Variants in RNF4 observed in about 807,000 individuals in gnomAD.
The protein encoded by RNF4 is ring finger protein 4, also known as E3 ubiquitin-protein ligase RNF4.
RNF4 carries 7 observed loss-of-function variants against 24.3 expected under a neutral mutation model. The observed-to-expected ratio is 0.29, with a 90% confidence interval of 0.16 to 0.54. RNF4 has a LOEUF of 0.54. RNF4 is among the 20% of genes least tolerant of loss of function. The pLI is 0.95. For synonymous variants in RNF4, 83 were observed against 84.3 expected, an observed-to-expected ratio of 0.98 and a Z score of 0.09; for missense variants, 209 against 248.5, an observed-to-expected ratio of 0.84 and a Z score of 1.07.
intron 3 of RNF4, among the ~76,000 whole-genome samples, chr4:2,500,402 C>G (rs1236942896): frequency 6.6e-6 from 1 of 152,156 alleles, no homozygotes; most frequent in Non-Finnish European, 1.5e-5. Context: ...GAGGTATGCA[C>G]ATGCGCACAC....
At chr4:2,478,911 C>T (rs948547109) in intron 1 of RNF4, among the ~76,000 whole-genome samples, 1 of 152,228 alleles carries the variant, frequency 6.6e-6, no homozygotes, top group African/African-American at 2.4e-5. Context: ...ACAGCTTGCC[C>T]TGTACACCTG....
chr4:2,513,599 G>T, intron 7 of RNF4, 71 bp from the exon 8 acceptor site: 1 of 1,581,042 alleles, frequency 6.3e-7, no homozygotes, highest in Non-Finnish European at 8.6e-7. Context: ...TAGGTGGGTG[G>T]GATTCTCTGG....
intron 4 of RNF4, among the ~76,000 whole-genome samples, chr4:2,501,159 T>G (rs978913993): frequency 6.6e-6 from 1 of 152,208 alleles, no homozygotes; most frequent in African/African-American, 2.4e-5. Flanking sequence ...TTCCATGAAA[T>G]GGGGACAGGT....
intron 3 of RNF4, among the ~76,000 whole-genome samples, chr4:2,499,672 CTGTT>C (rs1322805293): frequency 1.3e-5 from 2 of 152,124 alleles, no homozygotes; most frequent in African/African-American, 4.8e-5. Context: ...TGTACGTTAA[CTGTT>C]TGGTCCATGT....
chr4:2,484,071 C>CCCCG (rs71167793), intron 1 of RNF4, among the ~76,000 whole-genome samples: 9,466 of 50,324 alleles, frequency 0.19, 3,900 homozygotes, highest in South Asian at 0.35. Context: ...AGGTGATCCC[C>CCCCG]CCCCGCCTCG....
chr4:2,499,184 G>C (rs192534307), intron 3 of RNF4, among the ~76,000 whole-genome samples: 1 of 152,000 alleles, frequency 6.6e-6, no homozygotes, highest in East Asian at 1.9e-4. Context: ...ACGACAGAGC[G>C]AGACTCTGTC....
At chr4:2,496,235 G>A (rs1735732223) in intron 2 of RNF4, among the ~76,000 whole-genome samples, 1 of 152,164 alleles carries the variant, frequency 6.6e-6, no homozygotes, top group African/African-American at 2.4e-5. Context: ...TTTCCCAGGG[G>A]AAGATAAGCT....
At chr4:2,485,689 T>C (rs1161876307) in intron 1 of RNF4, among the ~76,000 whole-genome samples, 1 of 152,062 alleles carries the variant, frequency 6.6e-6, no homozygotes, top group African/African-American at 2.4e-5. Context: ...CTACCCCAGC[T>C]CCTCTTTTCT....
At chr4:2,473,488 T>C (rs957368310) in intron 1 of RNF4, among the ~76,000 whole-genome samples, 3 of 151,640 alleles carry the variant, frequency 2.0e-5, no homozygotes. Context: ...TAACTGTAGA[T>C]GTGGTGGAAA....
chr4:2,512,057 C>G lies in RNF4; in HGVS notation c.214+92C>G. 1 of 1,281,270 alleles carries G rather than the reference C, an allele frequency of 7.8e-7. No individual in the cohort carries two copies. Among genetic ancestry groups the G allele is most frequent in the Middle Eastern group, 2.6e-4 (1 of 3,820 alleles). 79.4% of individuals were successfully genotyped at this position (1,281,270 alleles called of 1,614,324 possible). On this transcript the variant is annotated intron_variant, in intron 5 of 7. Transcript: ENST00000314289. The surrounding 1 kb of genome is among the most constrained non-coding windows in gnomAD (Gnocchi z 4.1). ...GCTGCAGGTCTTGCCAGACCATCCC[C>G]AAGGGCTTGGAGCGCTCCAAGCAGG...
chr4:2,488,130 T>C (rs1735468115), intron 1 of RNF4, among the ~76,000 whole-genome samples: 1 of 152,188 alleles, frequency 6.6e-6, no homozygotes, highest in South Asian at 2.1e-4. Flanking sequence ...GCAGGGGCTG[T>C]ACTGTGAATG....
At chr4:2,504,510 C>A (rs1023695650) in intron 4 of RNF4, among the ~76,000 whole-genome samples, 1 of 149,332 alleles carries the variant, frequency 6.7e-6, no homozygotes, top group East Asian at 2.0e-4. Context: ...TTTAAAACTT[C>A]TTTGTTTTAT....
chr4:2,488,848 T>C (rs1196416016), intron 1 of RNF4, among the ~76,000 whole-genome samples: 2 of 152,104 alleles, frequency 1.3e-5, no homozygotes, highest in Non-Finnish European at 2.9e-5. Context: ...GATGGAGTTT[T>C]GCTCTCGTTG....
chr4:2,499,359 T>C (rs757384952), intron 3 of RNF4: 14 of 441,688 alleles, frequency 3.2e-5, no homozygotes, highest in South Asian at 2.2e-4. Context: ...TGGCGTGATC[T>C]TTGCATCCCG....
At chr4:2,476,812 C>CT (rs34392249) in intron 1 of RNF4, among the ~76,000 whole-genome samples, 7,157 of 141,366 alleles carry the variant, frequency 0.051, 224 homozygotes, top group South Asian at 0.16. Flanking sequence ...CAGCCTAAAA[C>CT]TTTTTTTTTT....
chr4:2,495,984 A>T (rs1379004599), intron 2 of RNF4, among the ~76,000 whole-genome samples: 1 of 152,222 alleles, frequency 6.6e-6, no homozygotes, highest in Non-Finnish European at 1.5e-5. Flanking sequence ...TTTTGGGACC[A>T]GGCAGACCAG....
At chr4:2,489,998 C>G (rs75316910) in intron 1 of RNF4, 1 of 155,636 alleles carries the variant, frequency 6.4e-6, no homozygotes, top group African/African-American at 2.4e-5. Flanking sequence ...AAGCTCTGTC[C>G]CTTCCCTTCT....
chr4:2,492,631 A>G (rs1735615327), intron 2 of RNF4, among the ~76,000 whole-genome samples: 1 of 152,206 alleles, frequency 6.6e-6, no homozygotes, highest in African/African-American at 2.4e-5. Context: ...GAGACTGAAC[A>G]AACAGCTGTC....
chr4:2,490,218 T>C (rs1735539003), intron 1 of RNF4, 119 bp from the exon 2 acceptor site: 1 of 404,134 alleles, frequency 2.5e-6, no homozygotes, highest in Non-Finnish European at 4.5e-6. Context: ...AAGGATGTCA[T>C]TGCGTGAAAT....
Sources: gnomAD v4.1 joint callset for allele counts (sites outside exome capture counted in the v4.1 genomes callset) on GRCh38, gnomAD v4.1.1 for gene constraint, Gnocchi (gnomAD v3.1) non-coding constraint, MANE v1.5 for transcripts, NCBI Gene and HGNC (gene_info 2026-07-23, HGNC 2026-07-21) for gene names.